The following MSH4 variants were observed in gnomAD, a reference collection of about 807,000 sequenced individuals.
MSH4 encodes the protein mutS homolog 4.
Under a neutral mutation model 113.7 loss-of-function variants are expected in MSH4, and 106 were observed. The observed-to-expected ratio is 0.93, with a 90% CI of 0.80 to 1.10. MSH4 has a LOEUF of 1.10. Ranked by LOEUF, MSH4 falls within the 50% of genes least tolerant of loss-of-function variation. The pLI is 0.00. For synonymous variants in MSH4, 368 were observed against 380.2 expected, an observed-to-expected ratio of 0.97 and a Z score of 0.37; for missense variants, 1,061 against 1,093.7, an observed-to-expected ratio of 0.97 and a Z score of 0.42.
rs370889205 is a variant in MSH4 at position 75,879,430 on chromosome 1, C to T, written c.1677+302C>T. Among the ~76,000 whole-genome samples the T allele has an allele frequency of 1.2e-4, 18 of 152,234 alleles. 1 individual carries two copies. In the East Asian group the frequency reaches 1.7e-3, roughly 15 times the overall value. On this transcript the variant is annotated intron_variant, in intron 12 of 19. Coordinates refer to ENST00000263187, the MANE Select transcript of MSH4 (RefSeq NM_002440.4). ...AATTAGGAAAATACCACACCATTTGCCTGTTAAAGGTTTAAAAAGTCCTGA... is the reference window on the plus strand; with the variant it reads ...AATTAGGAAAATACCACACCATTTGTCTGTTAAAGGTTTAAAAAGTCCTGA...
At position 75,879,196 on chromosome 1, in the gene MSH4, G is replaced by C. The variant is rs1651879087; in HGVS notation, c.1677+68G>C. The C allele has an allele frequency of 2.0e-6, 3 of 1,480,154 alleles. No homozygotes were observed. In the South Asian group the frequency reaches 3.6e-5, roughly 18 times the overall value. 91.7% of individuals were successfully genotyped at this position (1,480,154 alleles called of 1,614,324 possible). A position where few individuals can be genotyped will look rare whatever the true frequency, so the allele number is the denominator to read the frequency against. On this transcript the variant is annotated intron_variant, in intron 12 of 19. Coordinates refer to ENST00000263187, the MANE Select transcript of MSH4 (RefSeq NM_002440.4). ...TAGAATTACATCTACATATTTTTGG[G>C]ACTTCTTGAGTTTTGCAAGCCAAAT...
chr1:75,889,550 T>C (rs1005519206), intron 16 of MSH4, among the ~76,000 whole-genome samples, 181 bp downstream of exon 16: 4 of 152,146 alleles, frequency 2.6e-5, no homozygotes, highest in African/African-American at 9.7e-5. Context: ...GAAGACAATG[T>C]TTAAGTGAAA....
intron 2 of MSH4, among the ~76,000 whole-genome samples, chr1:75,806,655 T>C (rs1297208379): frequency 6.6e-6 from 1 of 152,144 alleles, no homozygotes. Context: ...AGTCTTGATA[T>C]TTTGTAGGAC....
At chr1:75,848,143 T>G in intron 7 of MSH4, 66 bp from the exon 8 acceptor site, 1 of 1,026,216 alleles carries the variant, frequency 9.7e-7, no homozygotes, top group Non-Finnish European at 1.5e-6. Flanking sequence ...GGATAATATT[T>G]TACATAGTCA....
chr1:75,891,038 G>A (rs1652239889), intron 17 of MSH4, among the ~76,000 whole-genome samples: 1 of 152,074 alleles, frequency 6.6e-6, no homozygotes, highest in South Asian at 2.1e-4. Flanking sequence ...ATGAAATCAA[G>A]AAATTCAAAT....
At chr1:75,853,997 G>A (rs1213306827) in intron 8 of MSH4, among the ~76,000 whole-genome samples, 1 of 47,296 alleles carries the variant, frequency 2.1e-5, no homozygotes, top group East Asian at 1.4e-3. Context: ...CATGGCTAGG[G>A]CATAAGTGTG....
At chr1:75,894,135 T>G (rs1401387928) in intron 17 of MSH4, among the ~76,000 whole-genome samples, 1 of 152,098 alleles carries the variant, frequency 6.6e-6, no homozygotes, top group African/African-American at 2.4e-5. Context: ...GGACAGACAT[T>G]ACGGCCCACC....
intron 17 of MSH4, among the ~76,000 whole-genome samples, chr1:75,894,788 T>A (rs1351655150): frequency 6.6e-6 from 1 of 152,170 alleles, no homozygotes; most frequent in Non-Finnish European, 1.5e-5. Context: ...CTTGAAGTAG[T>A]TGGCTTGATA....
intron 8 of MSH4, among the ~76,000 whole-genome samples, chr1:75,857,564 T>C (rs999819716): frequency 1.3e-5 from 2 of 152,344 alleles, no homozygotes; most frequent in East Asian, 3.9e-4. Context: ...CCATTGCTTG[T>C]ATGTCTCAGG....
Position 75,889,240 on chromosome 1 carries a change from A to T in MSH4, c.2108-11A>T. ...ACACATTTCAGTTTATCTTGACCTT[A>T]TATTTTACAGGATCATATGTTCCAG... is the stretch of plus-strand genomic sequence containing the variant. On this transcript the variant is annotated splice_polypyrimidine_tract_variant and intron_variant, in intron 15 of 19. Transcript: ENST00000263187. The T allele has an allele frequency of 8.3e-7, 1 of 1,206,338 alleles. No homozygotes were observed. The highest frequency in any genetic ancestry group is 1.2e-6 in the Non-Finnish European group (1 of 829,090). The allele number at this position is 1,206,338 out of a possible 1,614,324, so 74.7% of individuals were successfully genotyped here.
At chr1:75,801,162 T>A (rs958432263) in intron 1 of MSH4, among the ~76,000 whole-genome samples, 12 of 152,238 alleles carry the variant, frequency 7.9e-5, no homozygotes, top group African/African-American at 2.2e-4. Flanking sequence ...CTCATTTATT[T>A]ATGTATTATC....
Position 75,822,328 on chromosome 1 carries a change from G to C in MSH4, c.990-81G>C, listed in dbSNP as rs1264424541. The C allele has an allele frequency of 2.6e-5, 22 of 848,606 alleles. No homozygotes were observed. In the East Asian group the frequency reaches 4.1e-4, roughly 16 times the overall value. The allele number at this position is 848,606 out of a possible 1,614,324, so 52.6% of individuals were successfully genotyped here. On this transcript the variant is annotated intron_variant, in intron 6 of 19. Transcript: ENST00000263187. ...AAAAGAATCATTGCTGTAGATTATA[G>C]GATTATTTAATTACAAAGTGAAATG...
At chr1:75,880,359 T>A (rs952928013) in intron 13 of MSH4, among the ~76,000 whole-genome samples, 1 of 152,142 alleles carries the variant, frequency 6.6e-6, no homozygotes, top group Admixed American at 6.6e-5. Flanking sequence ...ACTTTTATAA[T>A]TGATATTTCT....
At chr1:75,802,394 G>A (rs951470480) in intron 1 of MSH4, among the ~76,000 whole-genome samples, 8 of 152,146 alleles carry the variant, frequency 5.3e-5, no homozygotes, top group African/African-American at 1.7e-4. Context: ...AAAGGAGATG[G>A]CAAAGGAAAC....
intron 7 of MSH4, among the ~76,000 whole-genome samples, chr1:75,832,670 A>G (rs1205903940): frequency 6.6e-6 from 1 of 152,146 alleles, no homozygotes; most frequent in Non-Finnish European, 1.5e-5. Context: ...ACATAAACAG[A>G]ACCAAAGGCA....
chr1:75,850,138 T>G (rs1270892428), intron 8 of MSH4, among the ~76,000 whole-genome samples: 3 of 152,054 alleles, frequency 2.0e-5, no homozygotes, highest in Non-Finnish European at 4.4e-5. Context: ...TTTCATTGGT[T>G]TCTCTTTTTT....
chr1:75,820,096 T>C (rs969770177), intron 6 of MSH4, among the ~76,000 whole-genome samples: 4 of 152,176 alleles, frequency 2.6e-5, no homozygotes, highest in African/African-American at 9.6e-5. Flanking sequence ...CAGAACAAGA[T>C]CATTATAGTA....
At chr1:75,798,421 C>A (rs1449619653) in intron 1 of MSH4, among the ~76,000 whole-genome samples, 1 of 152,180 alleles carries the variant, frequency 6.6e-6, no homozygotes, top group Non-Finnish European at 1.5e-5. Flanking sequence ...TAGGCCACTT[C>A]TACCTAGATG....
At chr1:75,884,578 A>T (rs1334828482) in intron 15 of MSH4, among the ~76,000 whole-genome samples, 1 of 151,904 alleles carries the variant, frequency 6.6e-6, no homozygotes, top group Non-Finnish European at 1.5e-5. Context: ...ATGCTGTTAA[A>T]CATCCTACAA....
Sources: gnomAD v4.1 joint callset for allele counts (sites outside exome capture counted in the v4.1 genomes callset) on GRCh38, gnomAD v4.1.1 for gene constraint, MANE v1.5 for transcripts, NCBI Gene and HGNC (gene_info 2026-07-23, HGNC 2026-07-21) for gene names.